HTR3B: variants seen among roughly 807,000 people sequenced by gnomAD.
HTR3B encodes 5-hydroxytryptamine (serotonin) receptor 3B, ionotropic.
In HTR3B, 44 loss-of-function variants were observed where a neutral mutation model predicts 42.8. That is an observed-to-expected ratio of 1.03 (90% CI 0.81 to 1.32). HTR3B has a LOEUF of 1.32. HTR3B is among the 40% of genes most tolerant of loss of function. The pLI is 0.00. For missense variants in HTR3B, 527 were observed against 536.5 expected (o/e 0.98, Z 0.17); for synonymous variants, 203 against 209.0 (o/e 0.97, Z 0.25).
upstream of HTR3B, among the ~76,000 whole-genome samples, chr11:113,903,313 T>C (rs763360568): frequency 2.0e-5 from 3 of 152,176 alleles, no homozygotes; most frequent in Non-Finnish European, 4.4e-5. Context: ...CTAGGTGTGC[T>C]TGTTACTATT....
Position 113,946,264 on chromosome 11 carries a change from G to GCCTC in HTR3B, c.*129_*130insTCCC. ...GCCTATAGTCCCAGTGCTTTGGGAG[G>GCCTC]CCATAGCAGGAGGATTGCTTGAGCC... On this transcript the variant is annotated 3_prime_UTR_variant, in exon 9 of 9. Transcript: ENST00000260191. The GCCTC allele has an allele frequency of 1.4e-6, 1 of 702,112 alleles. No individual in the cohort carries two copies. Among genetic ancestry groups the GCCTC allele is most frequent in the Non-Finnish European group, 2.5e-6 (1 of 407,854 alleles). The allele number at this position is 702,112 out of a possible 1,614,324, so 43.5% of individuals were successfully genotyped here.
chr11:113,910,045 A>G (rs1949772927), intron 2 of HTR3B, among the ~76,000 whole-genome samples: 1 of 151,798 alleles, frequency 6.6e-6, no homozygotes, highest in African/African-American at 2.4e-5. Flanking sequence ...TATTGTATGA[A>G]TATTGCTGAA....
chr11:113,916,344 G>A (rs1949853854), intron 2 of HTR3B, among the ~76,000 whole-genome samples: 1 of 152,118 alleles, frequency 6.6e-6, no homozygotes, highest in South Asian at 2.1e-4. Context: ...TTATTATCAG[G>A]TTACAAGAGT....
chr11:113,922,798 G>A (rs182444284), intron 2 of HTR3B, among the ~76,000 whole-genome samples: 50 of 151,810 alleles, frequency 3.3e-4, no homozygotes, highest in Admixed American at 1.6e-3. Flanking sequence ...CTCGTGATCC[G>A]CCTGCCTTGG....
intron 2 of HTR3B, among the ~76,000 whole-genome samples, chr11:113,913,100 T>C (rs1426597143): frequency 1.3e-5 from 2 of 150,508 alleles, no homozygotes; most frequent in Non-Finnish European, 3.0e-5. Context: ...GCTATTCATT[T>C]TCTTAATGGG....
rs1950188119 is a variant in HTR3B, at chr11:113,947,317, A to G, written c.*1180A>G. ...GTGCCAAGGCTTCTAAGCCCAGTCT[A>G]GCACATCATTTAGTCCACACACAAG... is the stretch of plus-strand genomic sequence containing the variant. On this transcript the variant is annotated 3_prime_UTR_variant, in exon 9 of 9. Transcript: ENST00000260191. Among the ~76,000 whole-genome samples the G allele has an allele frequency of 6.6e-6, 1 of 152,162 alleles. No homozygotes were observed. The highest frequency in any genetic ancestry group is 6.5e-5 in the Admixed American group (1 of 15,270).
chr11:113,931,063 A>G (rs570863253), intron 2 of HTR3B, among the ~76,000 whole-genome samples: 24 of 152,316 alleles, frequency 1.6e-4, no homozygotes, highest in African/African-American at 5.5e-4. Context: ...CAAAATTACT[A>G]AGACAACGTA....
intron 5 of HTR3B, 50 bp from the exon 6 acceptor site, chr11:113,932,886 G>A: frequency 1.3e-6 from 2 of 1,584,618 alleles, no homozygotes; most frequent in Non-Finnish European, 1.7e-6. Context: ...GTGGGTGGAT[G>A]TTGGCATCTC....
chr11:113,910,987 C>T (rs1169618070), intron 2 of HTR3B, among the ~76,000 whole-genome samples: 7 of 150,870 alleles, frequency 4.6e-5, no homozygotes, highest in East Asian at 2.0e-4. Flanking sequence ...CCACCATGCC[C>T]GGCTAATTTT....
At chr11:113,905,969 G>A (rs1949730318) in intron 1 of HTR3B, among the ~76,000 whole-genome samples, 1 of 152,186 alleles carries the variant, frequency 6.6e-6, no homozygotes, top group East Asian at 1.9e-4. Flanking sequence ...AACAGAGGAA[G>A]TGTCATTAAA....
chr11:113,925,217 G>T (rs576757658), intron 2 of HTR3B, among the ~76,000 whole-genome samples: 12 of 152,108 alleles, frequency 7.9e-5, no homozygotes, highest in South Asian at 6.2e-4. Context: ...TTATGTCGCT[G>T]GATAATTGGA....
chr11:113,902,881 G>A (rs45528331), upstream of HTR3B, among the ~76,000 whole-genome samples: 35 of 151,282 alleles, frequency 2.3e-4, no homozygotes, highest in Non-Finnish European at 3.5e-4. Context: ...GTGTGTTTTT[G>A]TTTTTGAGAC....
intron 1 of HTR3B, among the ~76,000 whole-genome samples, chr11:113,907,522 G>C (rs1054780125): frequency 6.6e-6 from 1 of 152,038 alleles, no homozygotes; most frequent in South Asian, 2.1e-4. Context: ...ATTTCCATTT[G>C]CTTATTATTT....
intron 2 of HTR3B, among the ~76,000 whole-genome samples, chr11:113,914,882 C>T (rs1189589675): frequency 2.0e-5 from 3 of 152,124 alleles, no homozygotes; most frequent in African/African-American, 4.8e-5. Flanking sequence ...GGGTCTGGAG[C>T]TTTCTTTGTG....
At chr11:113,919,684 C>T (rs1413706353) in intron 2 of HTR3B, among the ~76,000 whole-genome samples, 1 of 151,796 alleles carries the variant, frequency 6.6e-6, no homozygotes, top group African/African-American at 2.4e-5. Flanking sequence ...CAAAATTAGC[C>T]GGGCATGGTG....
In HTR3B at chr11:113,904,910, C is replaced by A. The variant is rs1364960666; in HGVS notation, c.-24C>A. On this transcript the variant is annotated 5_prime_UTR_variant, in exon 1 of 9. Coordinates refer to ENST00000260191, the MANE Select transcript of HTR3B (RefSeq NM_006028.5). ...CCATCTGGTAGGCAAGTTTGCATTT[C>A]TCCTTTTTGGGATCTGCCCAGGAAT... 3 of 1,608,918 alleles carry A rather than the reference C, an allele frequency of 1.9e-6. No homozygotes were observed.
intron 2 of HTR3B, among the ~76,000 whole-genome samples, chr11:113,930,542 G>A (rs1437812321): frequency 7.2e-6 from 1 of 138,926 alleles, no homozygotes; most frequent in Non-Finnish European, 1.5e-5. Context: ...AGGCTGGAGT[G>A]CAGTGGCACA....
At chr11:113,909,506 T>C in intron 2 of HTR3B, 51 bp downstream of exon 2, 2 of 1,505,104 alleles carry the variant, frequency 1.3e-6, no homozygotes, top group Non-Finnish European at 9.1e-7. Flanking sequence ...TTTGAAACAG[T>C]CTGCAGTTCA....
At chr11:113,914,577 G>C (rs772085420) in intron 2 of HTR3B, among the ~76,000 whole-genome samples, 22 of 151,772 alleles carry the variant, frequency 1.4e-4, no homozygotes, top group Non-Finnish European at 2.6e-4. Flanking sequence ...CCGCCTCCTA[G>C]CTTCAAGCAA....
Sources: gnomAD v4.1 joint callset for allele counts (sites outside exome capture counted in the v4.1 genomes callset) on GRCh38, gnomAD v4.1.1 for gene constraint, MANE v1.5 for transcripts, NCBI Gene and HGNC (gene_info 2026-07-23, HGNC 2026-07-21) for gene names.